Variants in SLC25A42 observed in about 807,000 individuals in gnomAD.
SLC25A42 encodes mitochondrial coenzyme A transporter SLC25A42.
SLC25A42 carries 19 observed loss-of-function variants against 34.7 expected under a neutral mutation model. That is an observed-to-expected ratio of 0.55 (90% CI 0.38 to 0.80). SLC25A42 has a LOEUF of 0.80. Ranked by LOEUF, SLC25A42 falls within the 30% of genes least tolerant of loss-of-function variation. The pLI is 0.00. For synonymous variants in SLC25A42, 205 were observed against 191.2 expected, an observed-to-expected ratio of 1.07 and a Z score of -0.59; for missense variants, 364 against 441.3, an observed-to-expected ratio of 0.82 and a Z score of 1.57.
At position 19,112,627 on chromosome 19, in the gene SLC25A42, C is replaced by T. The variant is rs2059872092; in HGVS notation, c.*1751C>T. 6.5e-6 allele frequency: 1 copy of T among 152,684 alleles called. No individual in the cohort carries two copies. The highest frequency in any genetic ancestry group is 1.5e-5 in the Non-Finnish European group (1 of 68,204). 9.5% of individuals were successfully genotyped at this position (152,684 alleles called of 1,614,324 possible). A position where few individuals can be genotyped will look rare whatever the true frequency, so the allele number is the denominator to read the frequency against. ...ACAAGGGGTAGGTGGGAGGGTCCCC[C>T]AGTCCCTGCTGACCCCAGTGTGTCT... On this transcript the variant is annotated 3_prime_UTR_variant, in exon 8 of 8. Transcript: ENST00000318596. This position sits in a 1 kb window ranked among gnomAD's most constrained non-coding sequence, Gnocchi z 4.3.
Position 19,093,662 on chromosome 19 carries a change from G to A in SLC25A42, c.-34-2429G>A, listed in dbSNP as rs1053828594. ...CAGGGCTGCTGGAGAATGCCCCTCC[G>A]GTGGGATGTGTCTGGTGTTTTTTCC... On this transcript the variant is annotated intron_variant, in intron 1 of 7. Transcript: ENST00000318596. Among the ~76,000 whole-genome samples, 10 of 152,068 alleles carry A rather than the reference G, an allele frequency of 6.6e-5. No individual in the cohort carries two copies. In the South Asian group the frequency reaches 1.0e-3, roughly 16 times the overall value.
chr19:19,097,832 A>T (rs1445812592), intron 2 of SLC25A42, among the ~76,000 whole-genome samples: 1 of 151,944 alleles, frequency 6.6e-6, no homozygotes, highest in Non-Finnish European at 1.5e-5. Context: ...GCGTGGTGGC[A>T]CGCACCTGTA....
rs1204324716 is a variant in SLC25A42, at chr19:19,105,677, A to G, written c.330A>G (p.Ala110=). ...VVPYAAIQFS[A]HEEYKRILGS... is the part of the protein sequence containing the mutation. ...CCTACGCCGCCATCCAGTTCAGCGC[A>G]CACGAGGAGTACAAGCGCATCCTGG... The change falls in exon 5 of 8, where the codon GCA becomes GCG. Residue 110 remains alanine, a synonymous_variant. Transcript: ENST00000318596. 6 of 1,612,842 alleles carry G rather than the reference A, an allele frequency of 3.7e-6. No individual in the cohort carries two copies. In the African/African-American group the frequency reaches 6.7e-5, roughly 18 times the overall value.
intron 1 of SLC25A42, among the ~76,000 whole-genome samples, chr19:19,089,219 G>A (rs1266110182): frequency 6.6e-6 from 1 of 152,172 alleles, no homozygotes; most frequent in Non-Finnish European, 1.5e-5. Context: ...TGACAAATGT[G>A]CAGTTGAACT....
At chr19:19,096,254 T>TGGGGGCCC in intron 2 of SLC25A42, 49 bp downstream of exon 2, 1 of 1,456,706 alleles carries the variant, frequency 6.9e-7, no homozygotes, top group Non-Finnish European at 9.4e-7. Context: ...GGCCCCAGCC[T>TGGGGGCCC]CCCCACCCCC....
At chr19:19,066,691 T>C (rs1196107461) in intron 1 of SLC25A42, among the ~76,000 whole-genome samples, 1 of 152,108 alleles carries the variant, frequency 6.6e-6, no homozygotes, top group Non-Finnish European at 1.5e-5. Context: ...GACCTTGTGA[T>C]CAGCCTGCCT....
chr19:19,079,536 TCTCTA>T (rs2059671123), intron 1 of SLC25A42, among the ~76,000 whole-genome samples: 1 of 152,174 alleles, frequency 6.6e-6, no homozygotes. Flanking sequence ...GTGTCTGGCT[TCTCTA>T]CTCAGTATCG....
At position 19,105,641 on chromosome 19, in the gene SLC25A42, G is replaced by C. The variant is rs145552056; in HGVS notation, c.294G>C (p.Val98=). The C allele has an allele frequency of 1.9e-6, 3 of 1,613,758 alleles. No homozygotes were observed. The highest frequency in any genetic ancestry group is 3.3e-5 in the Admixed American group (2 of 59,968). The change falls in exon 5 of 8, where the codon GTG becomes GTC. Residue 98 remains valine, a synonymous_variant. Transcript: ENST00000318596. ...SLWRGNSATM[V]RVVPYAAIQF... ...GGCGCGGGAACTCGGCCACCATGGT[G>C]CGCGTGGTGCCCTACGCCGCCATCC...
At chr19:19,088,897 T>C (rs1393778867) in intron 1 of SLC25A42, among the ~76,000 whole-genome samples, 2 of 151,834 alleles carry the variant, frequency 1.3e-5, no homozygotes, top group African/African-American at 4.8e-5. Context: ...AACCTCTGCC[T>C]CCTGGGTTCA....
At chr19:19,064,474 C>T (rs1056143531) in intron 1 of SLC25A42, among the ~76,000 whole-genome samples, 2 of 141,922 alleles carry the variant, frequency 1.4e-5, no homozygotes, top group African/African-American at 2.6e-5. Context: ...CGAACACCCC[C>T]CACATCACCT....
chr19:19,103,050 CT>C (rs1373249272), intron 3 of SLC25A42, among the ~76,000 whole-genome samples: 1 of 152,044 alleles, frequency 6.6e-6, no homozygotes, highest in Non-Finnish European at 1.5e-5. Flanking sequence ...GCCTTCTCCC[CT>C]GTGTGTCTGT....
chr19:19,110,090 T>C (rs2059854654), intron 7 of SLC25A42, among the ~76,000 whole-genome samples: 1 of 152,130 alleles, frequency 6.6e-6, no homozygotes. Flanking sequence ...CTCATGTCTG[T>C]AATCCCAGCA....
intron 1 of SLC25A42, among the ~76,000 whole-genome samples, chr19:19,064,744 T>C (rs1212145878): frequency 6.6e-6 from 1 of 151,258 alleles, no homozygotes; most frequent in Non-Finnish European, 1.5e-5. Flanking sequence ...CCTTGGGCTT[T>C]CTTCCACGTG....
intron 1 of SLC25A42, among the ~76,000 whole-genome samples, chr19:19,083,552 T>C (rs978923175): frequency 1.3e-5 from 2 of 152,184 alleles, no homozygotes; most frequent in Non-Finnish European, 2.9e-5. Context: ...GCCCCTGCCC[T>C]GCCCAGCAGC....
chr19:19,078,545 G>A (rs1015032091), intron 1 of SLC25A42, among the ~76,000 whole-genome samples: 2 of 152,218 alleles, frequency 1.3e-5, no homozygotes, highest in African/African-American at 2.4e-5. Flanking sequence ...AGCCCGTGAA[G>A]GTGTGCCTCC....
intron 1 of SLC25A42, among the ~76,000 whole-genome samples, chr19:19,065,410 C>T (rs550892552): frequency 6.6e-6 from 1 of 152,292 alleles, no homozygotes; most frequent in East Asian, 1.9e-4. Context: ...ACCTGCAAAA[C>T]GAGCCTGGGT....
intron 3 of SLC25A42, among the ~76,000 whole-genome samples, chr19:19,102,728 A>G (rs1479503646): frequency 6.7e-6 from 1 of 150,314 alleles, no homozygotes. Context: ...TGGGTGACAG[A>G]GAGACTCTGT....
chr19:19,096,254 T>TGGGGCCCC, intron 2 of SLC25A42, 49 bp downstream of exon 2: 1 of 1,456,622 alleles, frequency 6.9e-7, no homozygotes. Flanking sequence ...GGCCCCAGCC[T>TGGGGCCCC]CCCCACCCCC....
rs1344961227 is a variant in SLC25A42 at position 19,096,176 on chromosome 19, G to T, written c.52G>T (p.Ala18Ser). Residue 18 changes from alanine (A) to serine (S), a missense_variant, in exon 2 of 8, where the codon GCT (alanine) becomes TCT (serine). Coordinates refer to ENST00000318596, the MANE Select transcript of SLC25A42 (RefSeq NM_178526.5). ...GGTGCGATTGCATGAGGATGCTGAG[G>T]CTGTCCTGTCCTCGTCCGTCTCATC... is the stretch of plus-strand genomic sequence containing the variant. ...GPVRLHEDAEAVLSSSVSSKR... is the reference protein window; with the variant it reads ...GPVRLHEDAESVLSSSVSSKR... The T allele has an allele frequency of 6.2e-7, 1 of 1,612,990 alleles. No individual in the cohort carries two copies.
Sources: gnomAD v4.1 joint callset for allele counts (sites outside exome capture counted in the v4.1 genomes callset) on GRCh38, gnomAD v4.1.1 for gene constraint, Gnocchi (gnomAD v3.1) non-coding constraint, MANE v1.5 for transcripts, NCBI Gene and HGNC (gene_info 2026-07-23, HGNC 2026-07-21) for gene names.